STK31: variants seen among roughly 807,000 people sequenced by gnomAD.
The protein encoded by STK31 is serine/threonine-protein kinase 31.
Under a neutral mutation model 129.7 loss-of-function variants are expected in STK31, and 89 were observed. The ratio of observed to expected loss-of-function variants is 0.69; its 90% confidence interval spans 0.58 to 0.82. STK31 has a LOEUF of 0.82. Among genes scored for constraint, STK31 ranks in the 40% least tolerant of loss-of-function variants. The pLI is 0.00. For missense variants in STK31, 1,187 were observed against 1,176.4 expected (o/e 1.01, Z -0.13); for synonymous variants, 448 against 395.3 (o/e 1.13, Z -1.58).
At chr7:23,746,885 T>G (rs1788386555) in intron 8 of STK31, among the ~76,000 whole-genome samples, 1 of 151,948 alleles carries the variant, frequency 6.6e-6, no homozygotes, top group African/African-American at 2.4e-5. Flanking sequence ...TAAAAATAAG[T>G]TAAAATTATT....
At chr7:23,769,786 C>T (rs373364239) in intron 13 of STK31, 30 bp downstream of exon 13, 22 of 1,416,706 alleles carry the variant, frequency 1.6e-5, no homozygotes, top group Middle Eastern at 3.6e-4. Flanking sequence ...ATTATTGCCT[C>T]CTTTGAAGCA....
At chr7:23,766,294 G>T (rs1267617806) in intron 11 of STK31, among the ~76,000 whole-genome samples, 2 of 151,868 alleles carry the variant, frequency 1.3e-5, no homozygotes, top group Admixed American at 6.6e-5. Flanking sequence ...ACAGAGTCTT[G>T]CTCTTTCACC....
At chr7:23,768,041 T>G (rs964910707) in intron 11 of STK31, among the ~76,000 whole-genome samples, 4 of 152,174 alleles carry the variant, frequency 2.6e-5, no homozygotes, top group Non-Finnish European at 4.4e-5. Flanking sequence ...TATTTTTTTT[T>G]TGTGCACCTG....
chr7:23,731,050 A>G (rs1787403745), intron 6 of STK31, among the ~76,000 whole-genome samples: 1 of 150,558 alleles, frequency 6.6e-6, no homozygotes, highest in Non-Finnish European at 1.5e-5. Context: ...CGCATGGCTA[A>G]TTTTTGTATT....
Position 23,727,335 on chromosome 7 carries a change from G to A in STK31, c.324+20G>A. ...GAAAAGGCAGGAAATTAAGTGTTCA[G>A]TTTTTTTTTGCTTTAAGAAATATTT... On this transcript the variant is annotated intron_variant, in intron 5 of 23. Transcript: ENST00000355870. 1 of 1,583,450 alleles carries A rather than the reference G, an allele frequency of 6.3e-7. No individual in the cohort carries two copies. Among genetic ancestry groups the A allele is most frequent in the Non-Finnish European group, 8.6e-7 (1 of 1,158,208 alleles).
chr7:23,815,312 A>G (rs1584492199), intron 23 of STK31, 100 bp downstream of exon 23: 1 of 837,818 alleles, frequency 1.2e-6, no homozygotes, highest in Non-Finnish European at 1.8e-6. Flanking sequence ...TAAGAATCCA[A>G]ATTAACATTT....
intron 15 of STK31, among the ~76,000 whole-genome samples, chr7:23,776,785 A>G (rs576015568): frequency 6.6e-6 from 1 of 151,156 alleles, no homozygotes; most frequent in South Asian, 2.1e-4. Flanking sequence ...GGATTCATTG[A>G]TTTTTTTTTG....
chr7:23,832,149 A>C lies in STK31; in HGVS notation c.2843A>C (p.Lys948Thr), dbSNP rs376560007. The change falls in exon 24 of 24, where the codon AAA becomes ACA. Residue 948 changes from lysine to threonine, a missense_variant. By Grantham distance (78) the Lys-to-Thr change is moderately conservative. Transcript: ENST00000355870. ...TTTTCCTTGCAGGATGATAAAGTCA[A>C]ATCCCTCCTCTGTAGCTTGATATGT... Reference protein sequence around the residue: ...VDQFHLDDKVKSLLCSLICYR... With the variant: ...VDQFHLDDKVTSLLCSLICYR... 6 of 1,613,100 alleles carry C rather than the reference A, an allele frequency of 3.7e-6. No individual in the cohort carries two copies. Among genetic ancestry groups the C allele is most frequent in the Admixed American group, 1.7e-5 (1 of 59,934 alleles).
At chr7:23,748,736 C>T (rs1318327650) in intron 8 of STK31, among the ~76,000 whole-genome samples, 2 of 152,160 alleles carry the variant, frequency 1.3e-5, no homozygotes, top group Admixed American at 1.3e-4. Context: ...GCTTACTTTA[C>T]TGTGAGAATA....
chr7:23,826,250 A>T (rs1314107130), intron 23 of STK31, among the ~76,000 whole-genome samples: 2 of 151,862 alleles, frequency 1.3e-5, no homozygotes, highest in Non-Finnish European at 2.9e-5. Flanking sequence ...TTTGTAGGTC[A>T]CTCAGGACTT....
At chr7:23,710,900 T>C (rs76431293) in intron 1 of STK31, 19,107 of 685,454 alleles carry the variant, frequency 0.028, 359 homozygotes, top group Non-Finnish European at 0.032. Flanking sequence ...GAATATATAG[T>C]CTCCCTAAAA....
Position 23,772,205 on chromosome 7 carries a change from C to G in STK31, c.1892C>G (p.Ser631Cys). ...NKSPSVDHLLSIKKTLKSLKA... is the reference protein window; with the variant it reads ...NKSPSVDHLLCIKKTLKSLKA... ...AGTCCCAGTGTGGATCACTTGCTAT[C>G]CATTAAGAAGACATTGAAAAGCTTA... The change falls in exon 15 of 24, where the codon TCC becomes TGC. Residue 631 changes from serine (S) to cysteine (C), a missense_variant. Ser to Cys is a moderately radical substitution (Grantham distance 112, BLOSUM62 -1). Coordinates refer to ENST00000355870, the MANE Select transcript of STK31 (RefSeq NM_031414.5). 1 of 1,604,496 alleles carries G rather than the reference C, an allele frequency of 6.2e-7. No individual in the cohort carries two copies. The highest frequency in any genetic ancestry group is 1.3e-5 in the African/African-American group (1 of 74,466).
In STK31 at chr7:23,786,581, A is replaced by G. The variant is rs750462836; in HGVS notation, c.2348A>G (p.Glu783Gly). Residue 783 changes from glutamate to glycine, a missense_variant, in exon 19 of 24, where the codon GAA becomes GGA. Physicochemically the swap from Glu to Gly is moderately conservative, Grantham distance 98. Around this residue, in one of 5 missense-constraint regions of STK31, gnomAD observed 975 missense variants for 934.9 expected, o/e 1.04. Transcript: ENST00000355870. ...GCCACCTACCATAGAGCTTGGAGAG[A>G]AGCTGAAGGAGACTCAGGGTTACTG... ...RAATYHRAWR[E>G]AEGDSGLLPL... 6.2e-7 allele frequency: 1 copy of G among 1,613,820 alleles called. No individual in the cohort carries two copies. Among genetic ancestry groups the G allele is most frequent in the Non-Finnish European group, 8.5e-7 (1 of 1,179,858 alleles).
chr7:23,769,035 A>C lies in STK31; in HGVS notation c.1457A>C (p.Lys486Thr), dbSNP rs1790004951. Reference sequence around the variant, plus strand: ...TTAGAAGCAGTGTATGGACAAGCCAAAGAAGGAGCAAATTCTGATGAAATA... The same window carrying C: ...TTAGAAGCAGTGTATGGACAAGCCACAGAAGGAGCAAATTCTGATGAAATA... Reference protein sequence around the residue: ...VSLEAVYGQAKEGANSDEILK... With the variant: ...VSLEAVYGQATEGANSDEILK... The change falls in exon 12 of 24, where the codon AAA becomes ACA. Residue 486 changes from lysine to threonine, a missense_variant. Around this residue, in one of 5 missense-constraint regions of STK31, gnomAD observed 975 missense variants for 934.9 expected, o/e 1.04. Coordinates refer to ENST00000355870, the MANE Select transcript of STK31 (RefSeq NM_031414.5). 1 of 1,612,628 alleles carries C rather than the reference A, an allele frequency of 6.2e-7. No homozygotes were observed. The highest frequency in any genetic ancestry group is 1.1e-5 in the South Asian group (1 of 90,826).
chr7:23,753,793 G>A (rs1365052982), intron 9 of STK31, among the ~76,000 whole-genome samples: 30 of 152,130 alleles, frequency 2.0e-4, no homozygotes, highest in Admixed American at 2.0e-4. Context: ...TATAGGACAC[G>A]TATATTTTAG....
intron 3 of STK31, among the ~76,000 whole-genome samples, chr7:23,715,423 G>GC (rs981207244): frequency 1.3e-5 from 2 of 148,436 alleles, no homozygotes; most frequent in African/African-American, 5.0e-5. Flanking sequence ...TTTGAGACCA[G>GC]CCTTGGCAAC....
At chr7:23,742,097 G>T (rs1006016910) in intron 8 of STK31, among the ~76,000 whole-genome samples, 1 of 152,198 alleles carries the variant, frequency 6.6e-6, no homozygotes, top group African/African-American at 2.4e-5. Context: ...GTGTGGGGTA[G>T]CCTGGTTTCC....
chr7:23,807,793 T>C (rs1442348746), intron 22 of STK31, among the ~76,000 whole-genome samples: 1 of 152,094 alleles, frequency 6.6e-6, no homozygotes, highest in Non-Finnish European at 1.5e-5. Flanking sequence ...TCAGATTCAT[T>C]AGTGCTTTCC....
At chr7:23,750,963 C>A (rs746397144) in intron 8 of STK31, among the ~76,000 whole-genome samples, 7 of 152,160 alleles carry the variant, frequency 4.6e-5, no homozygotes, top group African/African-American at 9.7e-5. Context: ...AACATTAGAA[C>A]TTATCCCTTC....
Sources: allele counts gnomAD v4.1 joint callset (sites outside exome capture counted in the v4.1 genomes callset), GRCh38; gene constraint gnomAD v4.1.1; regional missense constraint gnomAD v4.1.1; transcripts MANE v1.5; gene names NCBI Gene and HGNC (gene_info 2026-07-23, HGNC 2026-07-21).